FAM20B: variants seen among roughly 807,000 people sequenced by gnomAD.
FAM20B encodes the protein glycosaminoglycan xylosylkinase.
Under a neutral mutation model 43.8 loss-of-function variants are expected in FAM20B, and 23 were observed. The observed-to-expected ratio is 0.53, with a 90% CI of 0.38 to 0.74. The LOEUF is 0.74. Among genes scored for constraint, FAM20B ranks in the 30% least tolerant of loss-of-function variants. The probability of loss-of-function intolerance (pLI) is 0.00; values close to 1 mark genes in which losing one functional copy is unlikely to be tolerated. For synonymous variants in FAM20B, 178 were observed against 192.4 expected, an observed-to-expected ratio of 0.93 and a Z score of 0.62; for missense variants, 440 against 510.5, an observed-to-expected ratio of 0.86 and a Z score of 1.33.
chr1:179,035,486 T>A (rs1650187752), intron 1 of FAM20B: 7 of 692,106 alleles, frequency 1.0e-5, no homozygotes, highest in South Asian at 8.2e-5. Flanking sequence ...TTGAAGACGC[T>A]GCTTCAGAAA....
chr1:179,052,919 C>T (rs145622512), intron 3 of FAM20B, among the ~76,000 whole-genome samples: 3 of 152,230 alleles, frequency 2.0e-5, no homozygotes, highest in South Asian at 2.1e-4. Flanking sequence ...TTTGTATTGC[C>T]CAACACACTA....
Position 179,072,497 on chromosome 1 carries a change from A to G in FAM20B, c.*353A>G. 1 of 219,140 alleles carries G rather than the reference A, an allele frequency of 4.6e-6. No individual in the cohort carries two copies. The highest frequency in any genetic ancestry group is 5.3e-5 in the Admixed American group (1 of 18,794). The allele number at this position is 219,140 out of a possible 1,614,324, so 13.6% of individuals were successfully genotyped here. Reference sequence around the variant, plus strand: ...CTCTGGAGCATGTGTTTTGAGTTGAACCTTGCAGTCCTTTCTCTACGCCCG... The same window carrying G: ...CTCTGGAGCATGTGTTTTGAGTTGAGCCTTGCAGTCCTTTCTCTACGCCCG... On this transcript the variant is annotated 3_prime_UTR_variant, in exon 8 of 8. Coordinates refer to ENST00000263733, the MANE Select transcript of FAM20B (RefSeq NM_014864.4).
chr1:179,024,798 C>A (rs977279258), upstream of FAM20B, among the ~76,000 whole-genome samples: 1 of 152,214 alleles, frequency 6.6e-6, no homozygotes, highest in Admixed American at 6.5e-5. Context: ...TCTTAGAGTA[C>A]TTTCCCCATA....
rs188436219 is a variant in FAM20B at position 179,030,431 on chromosome 1, A to T, written c.-134+4333A>T. ...ATCATCCTTGGGCAGTGTGTTAGAC[A>T]ACCTCCTTTCTTCCTTTTAGCATTT... On this transcript the variant is annotated intron_variant, in intron 1 of 7. Coordinates refer to ENST00000263733, the MANE Select transcript of FAM20B (RefSeq NM_014864.4). Among the ~76,000 whole-genome samples the T allele has an allele frequency of 2.0e-5, 3 of 152,262 alleles. No individual in the cohort carries two copies. In the East Asian group the frequency reaches 5.8e-4, roughly 29 times the overall value.
intron 4 of FAM20B, among the ~76,000 whole-genome samples, chr1:179,057,691 C>G (rs1651285518): frequency 6.6e-6 from 1 of 152,178 alleles, no homozygotes; most frequent in African/African-American, 2.4e-5. Context: ...TTTATTTATT[C>G]AGTACGACTT....
chr1:179,017,411 G>T, the FAM20B span, among the ~76,000 whole-genome samples: 1 of 152,326 alleles, frequency 6.6e-6, no homozygotes, highest in East Asian at 1.9e-4. Flanking sequence ...ACAAGGAAAG[G>T]CACTGTACGG....
chr1:179,035,433 A>G, intron 1 of FAM20B: 1 of 707,458 alleles, frequency 1.4e-6, no homozygotes, highest in East Asian at 2.7e-5. Flanking sequence ...CACAATTCAC[A>G]CAGTAATGTA....
At chr1:179,017,501 G>A in the FAM20B span, among the ~76,000 whole-genome samples, 2 of 152,180 alleles carry the variant, frequency 1.3e-5, no homozygotes, top group Middle Eastern at 3.2e-3. Context: ...TGAATTGCCA[G>A]TCTGTGTTTG....
intron 1 of FAM20B, among the ~76,000 whole-genome samples, chr1:179,033,866 G>A (rs1650110213): frequency 6.6e-6 from 1 of 151,966 alleles, no homozygotes; most frequent in African/African-American, 2.4e-5. Context: ...CTAATTTTTT[G>A]TATTTTAGTA....
chr1:179,063,883 T>G (rs777758458), intron 4 of FAM20B, 44 bp from the exon 5 acceptor site: 1 of 1,455,440 alleles, frequency 6.9e-7, no homozygotes, highest in South Asian at 1.3e-5. Context: ...ACTTGGAGTC[T>G]TCGTTATTTC....
At chr1:179,026,262 T>G (rs1446802141) in intron 1 of FAM20B, among the ~76,000 whole-genome samples, 164 bp downstream of exon 1, 1 of 151,012 alleles carries the variant, frequency 6.6e-6, no homozygotes, top group Non-Finnish European at 1.5e-5. Flanking sequence ...CCGGGTGCCC[T>G]GAGCCGTCCC....
chr1:179,035,767 T>C, intron 1 of FAM20B: 1 of 283,022 alleles, frequency 3.5e-6, no homozygotes, highest in East Asian at 9.1e-5. Flanking sequence ...AGTCTTACGT[T>C]TGCCCTTATA....
At chr1:179,053,975 G>A (rs1166446886) in intron 3 of FAM20B, among the ~76,000 whole-genome samples, 1 of 152,082 alleles carries the variant, frequency 6.6e-6, no homozygotes, top group Non-Finnish European at 1.5e-5. Flanking sequence ...TTCAGTTGGT[G>A]TATATTTTTT....
At chr1:179,054,334 T>G (rs1474614237) in intron 3 of FAM20B, among the ~76,000 whole-genome samples, 195 bp from the exon 4 acceptor site, 2 of 152,214 alleles carry the variant, frequency 1.3e-5, no homozygotes, top group Non-Finnish European at 2.9e-5. Flanking sequence ...TTCTTTTTGC[T>G]GAAATGTATA....
chr1:179,039,280 G>A (rs1187943458), intron 1 of FAM20B, among the ~76,000 whole-genome samples: 1 of 152,200 alleles, frequency 6.6e-6, no homozygotes, highest in Admixed American at 6.5e-5. Context: ...CAGGATGCAA[G>A]TGAGACGGAA....
chr1:179,046,130 TAC>T (rs1401664581), intron 2 of FAM20B, among the ~76,000 whole-genome samples: 3 of 152,166 alleles, frequency 2.0e-5, no homozygotes, highest in Non-Finnish European at 4.4e-5. Flanking sequence ...CAATCAGTGG[TAC>T]AGAAGTTTGA....
intron 1 of FAM20B, among the ~76,000 whole-genome samples, chr1:179,026,419 G>C (rs1345364541): frequency 6.6e-6 from 1 of 152,080 alleles, no homozygotes; most frequent in African/African-American, 2.4e-5. Flanking sequence ...GGCCCACCTG[G>C]GGCCGCCTCA....
intron 1 of FAM20B, among the ~76,000 whole-genome samples, chr1:179,028,791 G>T (rs1172318755): frequency 1.3e-5 from 2 of 152,182 alleles, no homozygotes; most frequent in African/African-American, 4.8e-5. Flanking sequence ...TATGTAGAAG[G>T]TGCACAATAA....
chr1:179,022,448 C>G (rs900143704), upstream of FAM20B, among the ~76,000 whole-genome samples: 10 of 151,886 alleles, frequency 6.6e-5, no homozygotes, highest in African/African-American at 9.7e-5. Flanking sequence ...AAAAGAAACT[C>G]TGTGTGTGTG....
Sources: gnomAD v4.1 joint callset for allele counts (sites outside exome capture counted in the v4.1 genomes callset) on GRCh38, gnomAD v4.1.1 for gene constraint, MANE v1.5 for transcripts, NCBI Gene and HGNC (gene_info 2026-07-23, HGNC 2026-07-21) for gene names.